The following OSBPL10 variants were observed in gnomAD, a reference collection of about 807,000 sequenced individuals.
OSBPL10 encodes the protein oxysterol-binding protein-related protein 10.
Under a neutral mutation model 81.7 loss-of-function variants are expected in OSBPL10, and 49 were observed. The observed-to-expected ratio is 0.60, with a 90% CI of 0.48 to 0.76. OSBPL10 has a LOEUF of 0.76. Ranked by LOEUF, OSBPL10 falls within the 30% of genes least tolerant of loss-of-function variation. The probability of loss-of-function intolerance (pLI) is 0.00; values close to 1 mark genes in which losing one functional copy is unlikely to be tolerated. For synonymous variants in OSBPL10, 419 were observed against 383.6 expected (o/e 1.09, Z -1.08); for missense variants, 923 against 987.8 (o/e 0.93, Z 0.88).
At chr3:31,768,724 C>T (rs955589941) in intron 4 of OSBPL10, among the ~76,000 whole-genome samples, 2 of 152,200 alleles carry the variant, frequency 1.3e-5, no homozygotes, top group African/African-American at 2.4e-5. Context: ...GCCACCCCAA[C>T]GCATCAGGAA....
intron 1 of OSBPL10, among the ~76,000 whole-genome samples, chr3:31,881,231 C>T (rs1262686965): frequency 1.3e-5 from 2 of 152,150 alleles, no homozygotes; most frequent in Non-Finnish European, 2.9e-5. Flanking sequence ...CTCCCCACAG[C>T]GCCCAGCAGT....
intron 1 of OSBPL10, among the ~76,000 whole-genome samples, chr3:32,073,714 A>G (rs773895647): frequency 2.0e-4 from 30 of 152,092 alleles, no homozygotes; most frequent in Non-Finnish European, 4.0e-4. Context: ...CTGTCTAGCC[A>G]TACTCCTATT....
rs1001519634 is a variant in OSBPL10, at chr3:31,677,333, A to C, written c.1726+6301T>G. On this transcript the variant is annotated intron_variant, in intron 8 of 11. Coordinates refer to ENST00000396556, the MANE Select transcript of OSBPL10 (RefSeq NM_017784.5). ...CACATTTTAATTAATACAAAAGATA[A>C]GGGGACGCAGCTACTGAAGGGACTT... Among the ~76,000 whole-genome samples, 53 of 152,270 alleles carry C rather than the reference A, an allele frequency of 3.5e-4. 1 individual carries two copies. Among genetic ancestry groups the C allele is most frequent in the African/African-American group, 1.1e-3 (47 of 41,564 alleles).
intron 7 of OSBPL10, among the ~76,000 whole-genome samples, chr3:31,684,382 CTCTG>C (rs1453499935): frequency 6.6e-6 from 1 of 152,196 alleles, no homozygotes; most frequent in Non-Finnish European, 1.5e-5. Context: ...ACACAATAGT[CTCTG>C]TCTCAGTCTC....
At chr3:31,702,558 G>A in intron 6 of OSBPL10, 50 bp from the exon 7 acceptor site, 1 of 1,607,216 alleles carries the variant, frequency 6.2e-7, no homozygotes, top group East Asian at 2.2e-5. Context: ...ATAGAAGTTA[G>A]AAATAAAGTG....
intron 4 of OSBPL10, among the ~76,000 whole-genome samples, chr3:31,754,773 T>C (rs543828327): frequency 5.3e-5 from 8 of 152,308 alleles, no homozygotes; most frequent in African/African-American, 1.4e-4. Context: ...CATGGCTGTT[T>C]TCCAGTGAAA....
chr3:31,777,860 C>T (rs1395130786), intron 4 of OSBPL10, among the ~76,000 whole-genome samples: 1 of 152,238 alleles, frequency 6.6e-6, no homozygotes, highest in East Asian at 1.9e-4. Context: ...TAGGCACTCC[C>T]ATTCTCCAGC....
At chr3:31,905,895 G>GGA (rs1553639387) in intron 1 of OSBPL10, among the ~76,000 whole-genome samples, 1 of 144,418 alleles carries the variant, frequency 6.9e-6, no homozygotes, top group African/African-American at 2.5e-5. Context: ...CTCAAAGAAG[G>GGA]AAAAAAAAAA....
At chr3:31,699,451 T>C (rs1398172183) in intron 7 of OSBPL10, among the ~76,000 whole-genome samples, 1 of 152,204 alleles carries the variant, frequency 6.6e-6, no homozygotes, top group Non-Finnish European at 1.5e-5. Flanking sequence ...TACAGTGGGT[T>C]ATTCCAGTGG....
chr3:31,819,720 T>C (rs1205973666), intron 4 of OSBPL10, among the ~76,000 whole-genome samples: 1 of 152,240 alleles, frequency 6.6e-6, no homozygotes, highest in Admixed American at 6.5e-5. Context: ...CACACGCGTG[T>C]GACTTCTCAT....
intron 7 of OSBPL10, among the ~76,000 whole-genome samples, chr3:31,697,849 G>A (rs376568103): frequency 2.0e-5 from 3 of 151,702 alleles, no homozygotes; most frequent in Admixed American, 6.6e-5. Context: ...TGCAACCTCC[G>A]CCTCCCGAGT....
In OSBPL10 at chr3:31,693,499, A is replaced by G. The variant is rs1695618238; in HGVS notation, c.1245+8860T>C. Among the ~76,000 whole-genome samples, 4 of 152,236 alleles carry G rather than the reference A, an allele frequency of 2.6e-5. No homozygotes were observed. The South Asian group carries it at 8.3e-4, about 31-fold the overall frequency. On this transcript the variant is annotated intron_variant, in intron 7 of 11. Coordinates refer to ENST00000396556, the MANE Select transcript of OSBPL10 (RefSeq NM_017784.5). ...GAATGTTATATATCCATTAAAGCGT[A>G]CACAGGTAATGATGTCATTTTCCAT... is the stretch of plus-strand genomic sequence containing the variant.
At chr3:31,709,771 C>T (rs1190487157) in intron 6 of OSBPL10, among the ~76,000 whole-genome samples, 1 of 152,180 alleles carries the variant, frequency 6.6e-6, no homozygotes, top group African/African-American at 2.4e-5. Context: ...CATCAGCCTG[C>T]TGCCTGGAAA....
chr3:31,855,885 ACC>A (rs1399248934), intron 3 of OSBPL10, among the ~76,000 whole-genome samples: 4 of 151,846 alleles, frequency 2.6e-5, no homozygotes, highest in Non-Finnish European at 5.9e-5. Context: ...ATGGAAAATC[ACC>A]CCACAAGGTT....
intron 4 of OSBPL10, among the ~76,000 whole-genome samples, 199 bp from the exon 5 acceptor site, chr3:31,748,319 A>G (rs1309343505): frequency 6.6e-6 from 1 of 152,144 alleles, no homozygotes; most frequent in African/African-American, 2.4e-5. Flanking sequence ...ACTCTAATCA[A>G]AAGAGAATTT....
intron 1 of OSBPL10, among the ~76,000 whole-genome samples, chr3:31,881,888 G>A (rs1344759803): frequency 6.6e-6 from 1 of 152,206 alleles, no homozygotes; most frequent in African/African-American, 2.4e-5. Context: ...TACGTATCCT[G>A]AGACTTGAAG....
At chr3:31,840,410 GCCTACTTGTGTTT>G (rs1700463285) in intron 3 of OSBPL10, among the ~76,000 whole-genome samples, 1 of 152,180 alleles carries the variant, frequency 6.6e-6, no homozygotes. Context: ...AAAAGGGCAC[GCCTACTTGTGTTT>G]CCAAATGTTT....
chr3:31,880,671 C>G (rs2125639689), intron 1 of OSBPL10, among the ~76,000 whole-genome samples: 1 of 152,304 alleles, frequency 6.6e-6, no homozygotes, highest in South Asian at 2.1e-4. Context: ...TGACACTAGT[C>G]TTTTCTCTCT....
chr3:31,740,844 C>T (rs537482246), intron 5 of OSBPL10, among the ~76,000 whole-genome samples: 1 of 93,504 alleles, frequency 1.1e-5, no homozygotes, highest in Admixed American at 1.1e-4. Flanking sequence ...CTTAATATGA[C>T]CACTACTAGA....
Sources: gnomAD v4.1 joint callset for allele counts (sites outside exome capture counted in the v4.1 genomes callset) on GRCh38, gnomAD v4.1.1 for gene constraint, MANE v1.5 for transcripts, NCBI Gene and HGNC (gene_info 2026-07-23, HGNC 2026-07-21) for gene names.